RBBP8: variants seen among roughly 807,000 people sequenced by gnomAD.
RBBP8 encodes the protein DNA endonuclease RBBP8.
RBBP8 carries 88 observed loss-of-function variants against 108.3 expected under a neutral mutation model. The observed-to-expected ratio is 0.81, with a 90% CI of 0.68 to 0.97. The LOEUF is 0.97. RBBP8 is among the 50% of genes least tolerant of loss of function. The pLI is 0.00. For missense variants in RBBP8, 1,023 were observed against 1,049.0 expected (o/e 0.98, Z 0.34); for synonymous variants, 332 against 348.2 (o/e 0.95, Z 0.52).
chr18:23,022,355 CTT>C (rs963055308), intron 18 of RBBP8, 85 bp downstream of exon 18: 2 of 1,329,386 alleles, frequency 1.5e-6, no homozygotes, highest in African/African-American at 3.0e-5. Flanking sequence ...AATCCCAACA[CTT>C]TGAGAGGCCA....
chr18:23,005,594 G>A (rs1379084843), intron 15 of RBBP8, among the ~76,000 whole-genome samples: 2 of 151,924 alleles, frequency 1.3e-5, no homozygotes, highest in Non-Finnish European at 2.9e-5. Context: ...TGTATTTTGA[G>A]TAGAGACAGG....
intron 4 of RBBP8, among the ~76,000 whole-genome samples, chr18:22,955,641 G>C (rs996332935): frequency 6.0e-5 from 9 of 150,638 alleles, no homozygotes; most frequent in African/African-American, 2.0e-4. Context: ...GCAGTGGCGC[G>C]ATCTCTGCTC....
chr18:23,012,667 G>A (rs1270260913), intron 16 of RBBP8, among the ~76,000 whole-genome samples: 1 of 152,220 alleles, frequency 6.6e-6, no homozygotes, highest in African/African-American at 2.4e-5. Context: ...ATATAAAAGT[G>A]CAAAGCAAAT....
At chr18:22,967,365 CAAAA>C (rs200892497) in intron 4 of RBBP8, among the ~76,000 whole-genome samples, 1 of 108,256 alleles carries the variant, frequency 9.2e-6, no homozygotes. Context: ...GACTCCGTCT[CAAAA>C]AAAAAAAAAA....
At chr18:22,946,629 ATGGGCCTTGG>A in intron 3 of RBBP8, 143 bp downstream of exon 3, 1 of 1,239,966 alleles carries the variant, frequency 8.1e-7, no homozygotes, top group Non-Finnish European at 1.1e-6. Context: ...CCTACTTAGT[ATGGGCCTTGG>A]TAGTCAGCAG....
At position 22,982,439 on chromosome 18, in the gene RBBP8, TG is replaced by T. The variant is rs778365495; in HGVS notation, c.604+47del. ...TTAGTTCTCTGGTTTTGTAAACCAG[TG>T]TTCATCTACTAGTTTTTATGTTATT... On this transcript the variant is annotated intron_variant, in intron 7 of 18. Transcript: ENST00000327155. 5.6e-5 allele frequency: 90 copies of T among 1,610,432 alleles called. No homozygotes were observed. The African/African-American group carries it at 1.2e-3, about 21-fold the overall frequency.
chr18:23,009,285 A>G (rs907379606), intron 16 of RBBP8, among the ~76,000 whole-genome samples: 9 of 151,994 alleles, frequency 5.9e-5, no homozygotes, highest in African/African-American at 1.9e-4. Flanking sequence ...TAATACCACC[A>G]ATAATATAAT....
In RBBP8 at chr18:22,970,940, T is replaced by C. The variant is rs116620729; in HGVS notation, c.361+2022T>C. 3.4e-3 allele frequency among the ~76,000 whole-genome samples: 515 copies of C among 152,324 alleles called. 4 individuals carry two copies. The highest frequency in any genetic ancestry group is 0.012 in the African/African-American group (503 of 41,578). On this transcript the variant is annotated intron_variant, in intron 5 of 18. Coordinates refer to ENST00000327155, the MANE Select transcript of RBBP8 (RefSeq NM_002894.3). ...CCAAGAATATAAAAATACACACACGTAAATTTGCATATTTAATCCATCTGG... is the reference window on the plus strand; with the variant it reads ...CCAAGAATATAAAAATACACACACGCAAATTTGCATATTTAATCCATCTGG...
At chr18:22,926,670 A>C (rs12326874) in intron 3 of RBBP8, among the ~76,000 whole-genome samples, 76,566 of 151,996 alleles carry the variant, frequency 0.5, 21,879 homozygotes, top group Middle Eastern at 0.68. Flanking sequence ...ATTTCAACAG[A>C]TTAAAAAGGG....
intron 7 of RBBP8, 76 bp from the exon 8 acceptor site, chr18:22,984,810 A>T: frequency 1.2e-6 from 1 of 847,568 alleles, no homozygotes. Flanking sequence ...TTAAATATGA[A>T]TAAATAAAAA....
intron 16 of RBBP8, among the ~76,000 whole-genome samples, chr18:23,007,622 C>T (rs531114775): frequency 1.8e-4 from 26 of 143,646 alleles, no homozygotes; most frequent in Middle Eastern, 3.7e-3. Flanking sequence ...GGCGTGAACT[C>T]GGGAGGTGGA....
intron 1 of RBBP8, chr18:22,933,875 C>G (rs1044229256): frequency 2.0e-5 from 3 of 152,268 alleles, no homozygotes; most frequent in Non-Finnish European, 4.4e-5. Flanking sequence ...TTGGCCAGAC[C>G]CGCACGCGGA....
At chr18:23,017,952 G>T (rs2046289566) in intron 17 of RBBP8, among the ~76,000 whole-genome samples, 2 of 151,516 alleles carry the variant, frequency 1.3e-5, no homozygotes, top group Non-Finnish European at 2.9e-5. Context: ...TCACTATTTG[G>T]CCAGGCTGGT....
At chr18:22,984,386 TATTG>T (rs1320753989) in intron 7 of RBBP8, among the ~76,000 whole-genome samples, 1 of 152,164 alleles carries the variant, frequency 6.6e-6, no homozygotes, top group Non-Finnish European at 1.5e-5. Flanking sequence ...ATCATTTGTT[TATTG>T]ATTGATTATT....
At chr18:22,986,116 C>T (rs1247481287) in intron 8 of RBBP8, among the ~76,000 whole-genome samples, 1 of 151,802 alleles carries the variant, frequency 6.6e-6, no homozygotes, top group Non-Finnish European at 1.5e-5. Flanking sequence ...TTGCTCCCCC[C>T]TGCCCCGAAC....
In RBBP8 at chr18:22,993,749, T is replaced by C. The variant is rs963567223; in HGVS notation, c.1841T>C (p.Ile614Thr). The change falls in exon 12 of 19, where the codon ATA becomes ACA. Residue 614 changes from isoleucine to threonine, a missense_variant. Ile to Thr is a moderately conservative substitution (Grantham distance 89). Transcript: ENST00000327155. ...GCTGGTTCTCATGAGCCAATAAAAA[T>C]ACAAACCAGGTCAGACCATGGAGGA... ...KSAGSHEPIKIQTRSDHGGCE... is the reference protein window; with the variant it reads ...KSAGSHEPIKTQTRSDHGGCE... 17 of 1,614,118 alleles carry C rather than the reference T, an allele frequency of 1.1e-5. No individual in the cohort carries two copies. The highest frequency in any genetic ancestry group is 1.6e-4 in the Middle Eastern group (1 of 6,062).
intron 17 of RBBP8, among the ~76,000 whole-genome samples, chr18:23,019,935 T>C (rs1436875893): frequency 1.3e-5 from 2 of 151,596 alleles, no homozygotes; most frequent in Non-Finnish European, 2.9e-5. Context: ...CTAATTTTTT[T>C]GTATTTTCAG....
At chr18:22,951,105 G>A (rs147695023) in intron 4 of RBBP8, among the ~76,000 whole-genome samples, 18 of 152,282 alleles carry the variant, frequency 1.2e-4, no homozygotes, top group Non-Finnish European at 1.5e-4. Flanking sequence ...AGACCTGTGC[G>A]CTTTAGAATC....
At chr18:22,976,799 C>A (rs1039041767) in intron 6 of RBBP8, among the ~76,000 whole-genome samples, 12 of 151,988 alleles carry the variant, frequency 7.9e-5, no homozygotes, top group Admixed American at 5.9e-4. Context: ...GATGAGATAC[C>A]AAGTGTGTAG....
Sources: allele counts gnomAD v4.1 joint callset (sites outside exome capture counted in the v4.1 genomes callset), GRCh38; gene constraint gnomAD v4.1.1; transcripts MANE v1.5; gene names NCBI Gene and HGNC (gene_info 2026-07-23, HGNC 2026-07-21).